CEP120: variants seen among roughly 807,000 people sequenced by gnomAD.
The protein encoded by CEP120 is centrosomal protein of 120 kDa.
A neutral mutation model predicts 126.5 loss-of-function variants in CEP120; 113 were observed. That is an observed-to-expected ratio of 0.89 (90% confidence interval 0.77 to 1.04). The LOEUF (loss-of-function observed/expected upper bound fraction) is 1.04, where lower values mean the gene tolerates loss of function less well. Ranked by LOEUF, CEP120 falls within the 50% of genes least tolerant of loss-of-function variation. The probability of loss-of-function intolerance (pLI) is 0.00; values close to 1 mark genes in which losing one functional copy is unlikely to be tolerated. For missense variants in CEP120, 1,230 were observed against 1,155.7 expected (o/e 1.06, Z -0.93); for synonymous variants, 400 against 394.3 (o/e 1.01, Z -0.17).
In CEP120 at chr5:123,393,391, T is replaced by C; in HGVS notation, c.719A>G (p.Asn240Ser). The stretch of plus-strand genomic sequence containing the variant: ...TGCTCTCTCTGGCTCAAAGTTTGGG[T>C]TGATTAAATCATTGAAGGGTTCATT... The part of the protein sequence containing the change: ...VTNEPFNDLI[N>S]PNFEPERASV... The change falls in exon 6 of 20, where the codon AAC becomes AGC. Residue 240 changes from asparagine (N) to serine (S), a missense_variant. Coordinates refer to ENST00000306467, the MANE Select transcript of CEP120 (RefSeq NM_001375405.1). 6.2e-7 allele frequency: 1 copy of C among 1,614,152 alleles called. No homozygotes were observed. The highest frequency in any genetic ancestry group is 8.5e-7 in the Non-Finnish European group (1 of 1,180,002).
chr5:123,387,286 T>G (rs1214414407), intron 9 of CEP120, among the ~76,000 whole-genome samples: 1 of 152,150 alleles, frequency 6.6e-6, no homozygotes, highest in Non-Finnish European at 1.5e-5. Context: ...TAAAAACTGC[T>G]TTCCAACAAG....
chr5:123,351,616 A>T (rs1769204395), intron 18 of CEP120, among the ~76,000 whole-genome samples: 1 of 152,142 alleles, frequency 6.6e-6, no homozygotes, highest in Non-Finnish European at 1.5e-5. Flanking sequence ...TTGGGGCCAT[A>T]AGTGTTTTGA....
chr5:123,367,430 AT>A (rs1199787841), intron 17 of CEP120, among the ~76,000 whole-genome samples: 1 of 151,634 alleles, frequency 6.6e-6, no homozygotes, highest in Non-Finnish European at 1.5e-5. Flanking sequence ...ATGTATGTAT[AT>A]ATATCCCTAA....
chr5:123,411,027 G>A (rs992276841), intron 4 of CEP120, among the ~76,000 whole-genome samples: 4 of 152,142 alleles, frequency 2.6e-5, no homozygotes, highest in African/African-American at 4.8e-5. Context: ...CCCAAGACCT[G>A]AGCAGACACC....
intron 19 of CEP120, among the ~76,000 whole-genome samples, chr5:123,349,210 T>C (rs1298253553): frequency 6.6e-6 from 1 of 152,166 alleles, no homozygotes; most frequent in Non-Finnish European, 1.5e-5. Context: ...ATGCAATCTC[T>C]GGAATCGGAT....
At chr5:123,417,467 A>G (rs146735937) in intron 2 of CEP120, among the ~76,000 whole-genome samples, 1 of 152,206 alleles carries the variant, frequency 6.6e-6, no homozygotes, top group Admixed American at 6.5e-5. Flanking sequence ...TATATACTAT[A>G]ACTTTAAGTC....
chr5:123,417,297 T>C (rs978692574), intron 2 of CEP120, among the ~76,000 whole-genome samples: 1 of 90,998 alleles, frequency 1.1e-5, no homozygotes, highest in Non-Finnish European at 2.3e-5. Flanking sequence ...CTTGCTTTCC[T>C]TTTTTTTAAC....
At chr5:123,347,160 T>C (rs961169065) in intron 19 of CEP120, among the ~76,000 whole-genome samples, 2 of 152,184 alleles carry the variant, frequency 1.3e-5, no homozygotes, top group African/African-American at 4.8e-5. Context: ...ATACTACATA[T>C]GCAATTCTGT....
intron 6 of CEP120, among the ~76,000 whole-genome samples, chr5:123,391,594 T>C (rs1454629615): frequency 3.9e-5 from 5 of 126,668 alleles, no homozygotes; most frequent in Non-Finnish European, 7.2e-5. Context: ...CATAATCATA[T>C]GTTATTGCTT....
Position 123,345,701 on chromosome 5 carries a change from A to G in CEP120, c.*818T>C, listed in dbSNP as rs561647407. ...GTAAAAAATAGTTGATTTTCACTCT[A>G]TTTTTTCAGCTAATGTCTTTATGTG... On this transcript the variant is annotated 3_prime_UTR_variant, in exon 20 of 20. Coordinates refer to ENST00000306467, the MANE Select transcript of CEP120 (RefSeq NM_001375405.1). The G allele has an allele frequency of 1.3e-5, 2 of 152,236 alleles. No individual in the cohort carries two copies. The highest frequency in any genetic ancestry group is 6.6e-5 in the Admixed American group (1 of 15,258). 9.4% of individuals were successfully genotyped at this position (152,236 alleles called of 1,614,324 possible).
chr5:123,409,953 C>T (rs144468076), intron 4 of CEP120, among the ~76,000 whole-genome samples: 1 of 125,256 alleles, frequency 8.0e-6, no homozygotes, highest in Non-Finnish European at 1.6e-5. Context: ...GAGATCCTGT[C>T]TCAAAAAACA....
chr5:123,391,162 G>A lies in CEP120; in HGVS notation c.986C>T (p.Ala329Val). 6.2e-7 allele frequency: 1 copy of A among 1,614,178 alleles called. No homozygotes were observed. The highest frequency in any genetic ancestry group is 8.5e-7 in the Non-Finnish European group (1 of 1,180,034). Residue 329 changes from alanine to valine, a missense_variant, in exon 7 of 20, where the codon GCC becomes GTC. Physicochemically the swap from Ala to Val is moderately conservative, Grantham distance 64. Coordinates refer to ENST00000306467, the MANE Select transcript of CEP120 (RefSeq NM_001375405.1). ...QKLAPIPVELAPTVGVSVALQ... is the reference protein window; with the variant it reads ...QKLAPIPVELVPTVGVSVALQ... Reference sequence around the variant, plus strand: ...AGCCACAGACACTCCCACAGTTGGGGCTAGCTCCACAGGAATAGGTGCAAG... The same window carrying A: ...AGCCACAGACACTCCCACAGTTGGGACTAGCTCCACAGGAATAGGTGCAAG...
intron 16 of CEP120, among the ~76,000 whole-genome samples, chr5:123,374,955 G>A (rs945780400): frequency 1.3e-5 from 2 of 152,062 alleles, no homozygotes; most frequent in African/African-American, 4.8e-5. Flanking sequence ...TTGAGTTCTG[G>A]TGACTGCTAT....
At chr5:123,356,164 T>C (rs1171425711) in intron 18 of CEP120, among the ~76,000 whole-genome samples, 1 of 152,186 alleles carries the variant, frequency 6.6e-6, no homozygotes, top group Non-Finnish European at 1.5e-5. Context: ...AGTAGTACCA[T>C]GCTGTTTTGG....
intron 4 of CEP120, chr5:123,401,789 C>T: frequency 7.8e-7 from 1 of 1,276,028 alleles, no homozygotes; most frequent in Non-Finnish European, 1.1e-6. Flanking sequence ...TCTCTGCACG[C>T]TTATTGATCT....
At chr5:123,422,464 C>T in intron 1 of CEP120, 1 of 1,517,310 alleles carries the variant, frequency 6.6e-7, no homozygotes, top group African/African-American at 1.4e-5. Flanking sequence ...ATCCAAAACA[C>T]ACCTTTTAAG....
At chr5:123,354,188 C>G (rs1358465534) in intron 18 of CEP120, among the ~76,000 whole-genome samples, 1 of 152,054 alleles carries the variant, frequency 6.6e-6, no homozygotes, top group Non-Finnish European at 1.5e-5. Context: ...GAGAAGTATA[C>G]TACTTAATAT....
intron 17 of CEP120, among the ~76,000 whole-genome samples, chr5:123,368,396 T>C (rs1770621458): frequency 6.6e-6 from 1 of 151,976 alleles, no homozygotes; most frequent in Non-Finnish European, 1.5e-5. Context: ...ACAGAATTCA[T>C]ATTTATAAAC....
intron 6 of CEP120, 120 bp from the exon 7 acceptor site, chr5:123,391,457 C>A: frequency 1.4e-6 from 1 of 690,798 alleles, no homozygotes; most frequent in Non-Finnish European, 2.4e-6. Flanking sequence ...GCAGGTTATA[C>A]CTCATTGACC....
Sources: allele counts gnomAD v4.1 joint callset (sites outside exome capture counted in the v4.1 genomes callset), GRCh38; gene constraint gnomAD v4.1.1; transcripts MANE v1.5; gene names NCBI Gene and HGNC (gene_info 2026-07-23, HGNC 2026-07-21).